Variants in NSRP1 observed in about 807,000 individuals in gnomAD.
The protein encoded by NSRP1 is coiled-coil domain containing 55.
In NSRP1, 24 loss-of-function variants were observed where a neutral mutation model predicts 54.7. The observed-to-expected ratio is 0.44, with a 90% CI of 0.32 to 0.62. The LOEUF (loss-of-function observed/expected upper bound fraction) is 0.62, where lower values mean the gene tolerates loss of function less well. Ranked by LOEUF, NSRP1 falls within the 20% of genes least tolerant of loss-of-function variation. The pLI, the probability that NSRP1 is intolerant of heterozygous loss-of-function variation, is 0.06. For synonymous variants in NSRP1, 210 were observed against 213.8 expected (o/e 0.98, Z 0.15); for missense variants, 596 against 651.2 (o/e 0.92, Z 0.92).
chr17:30,163,864 T>G (rs1170866902), intron 2 of NSRP1, among the ~76,000 whole-genome samples: 1 of 151,876 alleles, frequency 6.6e-6, no homozygotes, highest in Admixed American at 6.6e-5. Context: ...TTTTGTATTT[T>G]TAGTAGAGGC....
At chr17:30,164,346 A>G (rs948021796) in intron 2 of NSRP1, among the ~76,000 whole-genome samples, 1 of 152,226 alleles carries the variant, frequency 6.6e-6, no homozygotes, top group Non-Finnish European at 1.5e-5. Context: ...TAAAGAACCT[A>G]TCTTGAAATA....
chr17:30,117,579 G>T, intron 1 of NSRP1: 1 of 379,450 alleles, frequency 2.6e-6, no homozygotes, highest in Admixed American at 4.2e-5. Flanking sequence ...GGCTACTTGG[G>T]TTTCTCAGTT....
At chr17:30,147,005 A>G (rs754946397) in intron 2 of NSRP1, among the ~76,000 whole-genome samples, 1 of 152,234 alleles carries the variant, frequency 6.6e-6, no homozygotes, top group Non-Finnish European at 1.5e-5. Flanking sequence ...TATGTTGAAA[A>G]ATGTCCTTAG....
intron 2 of NSRP1, among the ~76,000 whole-genome samples, chr17:30,165,337 T>C (rs1904692026): frequency 6.6e-6 from 1 of 152,200 alleles, no homozygotes; most frequent in Non-Finnish European, 1.5e-5. Flanking sequence ...GTAAAAATGG[T>C]GAAATCTGAA....
intron 2 of NSRP1, among the ~76,000 whole-genome samples, chr17:30,162,887 C>CT (rs946829356): frequency 8.8e-5 from 13 of 147,274 alleles, no homozygotes; most frequent in Admixed American, 2.0e-4. Context: ...ACCTAATTCC[C>CT]TTTTTTTTTT....
intron 2 of NSRP1, among the ~76,000 whole-genome samples, chr17:30,142,543 G>C (rs1480165096): frequency 1.3e-5 from 2 of 151,230 alleles, no homozygotes; most frequent in African/African-American, 2.4e-5. Flanking sequence ...TGTTGCCCAG[G>C]CTGGTTTGGA....
chr17:30,123,377 A>G (rs1413231550), intron 2 of NSRP1, among the ~76,000 whole-genome samples: 2 of 152,116 alleles, frequency 1.3e-5, no homozygotes, highest in East Asian at 3.8e-4. Flanking sequence ...CAGCCTTCCA[A>G]AGTGCTGGGA....
intron 2 of NSRP1, among the ~76,000 whole-genome samples, chr17:30,145,472 A>C (rs1178644897): frequency 6.6e-6 from 1 of 152,170 alleles, no homozygotes; most frequent in Non-Finnish European, 1.5e-5. Flanking sequence ...AGTCCCAGCT[A>C]CTTGGGAGAC....
intron 2 of NSRP1, among the ~76,000 whole-genome samples, chr17:30,146,871 G>A (rs903661837): frequency 1.3e-5 from 2 of 152,196 alleles, no homozygotes; most frequent in African/African-American, 2.4e-5. Flanking sequence ...GATTACAGGC[G>A]CAAGCCACCA....
At chr17:30,175,491 C>T (rs1195905422) in intron 3 of NSRP1, among the ~76,000 whole-genome samples, 1 of 151,596 alleles carries the variant, frequency 6.6e-6, no homozygotes, top group Non-Finnish European at 1.5e-5. Flanking sequence ...TGGAGTGCAG[C>T]GGCACGATCT....
At chr17:30,178,963 A>G in intron 4 of NSRP1, 127 bp from the exon 5 acceptor site, 1 of 511,060 alleles carries the variant, frequency 2.0e-6, no homozygotes, top group East Asian at 3.5e-5. Context: ...GTAAGTTTAT[A>G]TTGAATGTAG....
At chr17:30,117,626 CAGTT>C (rs1220832078) in intron 1 of NSRP1, 1 of 339,276 alleles carries the variant, frequency 2.9e-6, no homozygotes, top group Non-Finnish European at 5.3e-6. Flanking sequence ...ACTATCCAGT[CAGTT>C]CTTAGAAACT....
At chr17:30,156,473 A>G (rs896475734) in intron 2 of NSRP1, 3 of 151,378 alleles carry the variant, frequency 2.0e-5, no homozygotes, top group Non-Finnish European at 2.9e-5. Flanking sequence ...TACTAAAGAT[A>G]ATGACCTTCA....
In NSRP1 at chr17:30,126,294, C is replaced by T. The variant is rs541942537; in HGVS notation, c.114+8121C>T. Among the ~76,000 whole-genome samples the T allele has an allele frequency of 7.2e-5, 11 of 152,308 alleles. No individual in the cohort carries two copies. In the East Asian group the frequency reaches 9.6e-4, roughly 13 times the overall value. On this transcript the variant is annotated intron_variant, in intron 2 of 6. Transcript: ENST00000247026. ...TGTTCCTCCATAAAAAGTACACTGTCGTGCTTGCAGTTTTTCACAGCTCTG... is the reference window on the plus strand; with the variant it reads ...TGTTCCTCCATAAAAAGTACACTGTTGTGCTTGCAGTTTTTCACAGCTCTG...
chr17:30,121,087 G>C (rs1011000692), intron 2 of NSRP1, among the ~76,000 whole-genome samples: 14 of 152,312 alleles, frequency 9.2e-5, no homozygotes, highest in African/African-American at 2.6e-4. Context: ...GGCTGGAGAA[G>C]AGGGTATATA....
At chr17:30,149,812 G>A (rs962811484) in intron 2 of NSRP1, among the ~76,000 whole-genome samples, 5 of 140,832 alleles carry the variant, frequency 3.6e-5, no homozygotes, top group Non-Finnish European at 7.5e-5. Context: ...TCCAGCCTGA[G>A]TGACAGAGCA....
At chr17:30,139,360 C>T (rs191404210) in intron 2 of NSRP1, among the ~76,000 whole-genome samples, 15 of 152,172 alleles carry the variant, frequency 9.9e-5, no homozygotes, top group Non-Finnish European at 1.0e-4. Flanking sequence ...GGGTCCTTTC[C>T]TGTACAAGTT....
intron 2 of NSRP1, among the ~76,000 whole-genome samples, chr17:30,138,924 T>TTTG (rs1567793833): frequency 4.3e-5 from 6 of 138,300 alleles, no homozygotes; most frequent in East Asian, 2.2e-4. Context: ...TTTTTTTTTT[T>TTTG]TTTTTTTTTT....
intron 2 of NSRP1, among the ~76,000 whole-genome samples, chr17:30,118,766 T>C (rs961890947): frequency 6.6e-6 from 1 of 151,278 alleles, no homozygotes; most frequent in Non-Finnish European, 1.5e-5. Flanking sequence ...TTTTTTTTTT[T>C]GAAACAGTGT....
Sources: gnomAD v4.1 joint callset for allele counts (sites outside exome capture counted in the v4.1 genomes callset) on GRCh38, gnomAD v4.1.1 for gene constraint, MANE v1.5 for transcripts, NCBI Gene and HGNC (gene_info 2026-07-23, HGNC 2026-07-21) for gene names.